The following MDFI variants were observed in gnomAD, a reference collection of about 807,000 sequenced individuals.
MDFI encodes the protein MyoD family inhibitor.
MDFI carries 16 observed loss-of-function variants against 22.3 expected under a neutral mutation model. The observed-to-expected ratio is 0.72, with a 90% CI of 0.49 to 1.09. The LOEUF is 1.09. Ranked by LOEUF, MDFI falls within the 50% of genes least tolerant of loss-of-function variation. The pLI is 0.00. For synonymous variants in MDFI, 145 were observed against 142.7 expected, an observed-to-expected ratio of 1.02 and a Z score of -0.12; for missense variants, 314 against 326.1, an observed-to-expected ratio of 0.96 and a Z score of 0.29.
intron 4 of MDFI, among the ~76,000 whole-genome samples, chr6:41,650,714 C>T (rs1768237491): frequency 1.3e-5 from 2 of 151,752 alleles, no homozygotes; most frequent in South Asian, 4.2e-4. Context: ...GCTGGAACTA[C>T]AGGCGCGTCC....
intron 2 of MDFI, among the ~76,000 whole-genome samples, chr6:41,640,748 A>G (rs537230614): frequency 1.1e-4 from 17 of 152,278 alleles, no homozygotes; most frequent in South Asian, 8.3e-4. Context: ...ACAGGGCACA[A>G]GGGGACTCAG....
chr6:41,640,773 G>C lies in MDFI; in HGVS notation c.76+1948G>C, dbSNP rs556665732. On this transcript the variant is annotated intron_variant, in intron 2 of 4. Transcript: ENST00000230321. ...AGGGGACTCAGGGCAGATCTGGTAG[G>C]GGCAGGTGGCCAAGCCCCCACACCC... Among the ~76,000 whole-genome samples, 339 of 152,260 alleles carry C rather than the reference G, an allele frequency of 2.2e-3. 2 individuals are homozygous for C. The highest frequency in any genetic ancestry group is 7.5e-3 in the African/African-American group (312 of 41,550).
In MDFI at chr6:41,647,960, T is replaced by C. The variant is rs1581838740; in HGVS notation, c.259+1652T>C. 3.6e-5 allele frequency among the ~76,000 whole-genome samples: 5 copies of C among 139,730 alleles called. No individual in the cohort carries two copies. The South Asian group carries it at 9.1e-4, about 25-fold the overall frequency. 91.7% of individuals were successfully genotyped at this position (139,730 alleles called of 152,430 possible). ...TCGGGAGGCTGAGGCAGGAGAATGG[T>C]GTGAACCCGGGAGGCGGATGTTGCA... On this transcript the variant is annotated intron_variant, in intron 3 of 4. Transcript: ENST00000230321.
Position 41,649,842 on chromosome 6 carries a change from A to G in MDFI, c.483A>G (p.Glu161=), listed in dbSNP as rs764038303. The change falls in exon 4 of 5, where the codon GAA becomes GAG. Residue 161 remains glutamate, a splice_region_variant and synonymous_variant. Transcript: ENST00000230321. The part of the protein sequence containing the change: ...TTSQIPLQAQ[E]DCCVHCILSC... The stretch of plus-strand genomic sequence containing the variant: ...CCCAGATCCCCCTCCAGGCACAGGA[A>G]GGTAAGCACCCATCCCATCTCTCCC... 6.2e-7 allele frequency: 1 copy of G among 1,612,740 alleles called. No homozygotes were observed. Among genetic ancestry groups the G allele is most frequent in the Admixed American group, 1.7e-5 (1 of 59,958 alleles).
At chr6:41,652,096 C>G (rs374337677) in intron 4 of MDFI, among the ~76,000 whole-genome samples, 49 of 152,246 alleles carry the variant, frequency 3.2e-4, no homozygotes, top group African/African-American at 1.2e-3. Flanking sequence ...CAGGTAGGGC[C>G]GGGCAGGGAG....
At chr6:41,638,174 C>T (rs937285888), upstream of MDFI, 3 of 153,842 alleles carry the variant, frequency 2.0e-5, no homozygotes, top group African/African-American at 7.2e-5. The surrounding 1 kb of genome is among the most constrained non-coding windows in gnomAD (Gnocchi z 7.6). Flanking sequence ...CAAAGGAAAA[C>T]GTGCAGCCCG....
At chr6:41,643,580 G>GGAAGGAAGGAAGGAAGGAAGGAA (rs1561829712) in intron 2 of MDFI, among the ~76,000 whole-genome samples, 1 of 43,016 alleles carries the variant, frequency 2.3e-5, no homozygotes. Flanking sequence ...GAAGGAAGGA[G>GGAAGGAAGGAAGGAAGGAAGGAA]GGAGGGAGGG....
intron 4 of MDFI, among the ~76,000 whole-genome samples, chr6:41,650,890 T>G (rs1339252955): frequency 6.6e-6 from 1 of 152,084 alleles, no homozygotes; most frequent in Non-Finnish European, 1.5e-5. Context: ...GTCTTATTTA[T>G]GAAGGAGCCA....
chr6:41,638,275 G>T (rs543326076), upstream of MDFI: 1 of 160,186 alleles, frequency 6.2e-6, no homozygotes, highest in Non-Finnish European at 1.4e-5. The surrounding 1 kb of genome is among the most constrained non-coding windows in gnomAD (Gnocchi z 7.6). Context: ...GGCTTCCTGT[G>T]GGGGCTCGGG....
intron 4 of MDFI, among the ~76,000 whole-genome samples, chr6:41,650,381 A>G (rs376947359): frequency 4.1e-4 from 62 of 152,294 alleles, no homozygotes; most frequent in African/African-American, 1.5e-3. Flanking sequence ...TCCCCTCCTC[A>G]TCAGCCATCA....
intron 2 of MDFI, among the ~76,000 whole-genome samples, chr6:41,642,242 G>C (rs1374412416): frequency 1.3e-5 from 2 of 152,100 alleles, no homozygotes; most frequent in African/African-American, 4.8e-5. Flanking sequence ...GCACCTACTA[G>C]GAGGGCAAGG....
At position 41,638,843 on chromosome 6, in the gene MDFI, G is replaced by T; in HGVS notation, c.76+18G>T. The T allele has an allele frequency of 6.5e-7, 1 of 1,543,052 alleles. No individual in the cohort carries two copies. The highest frequency in any genetic ancestry group is 1.2e-5 in the South Asian group (1 of 84,334). ...GGGCCCAGGTAGGACCGGGAGTGGC[G>T]AGCGAAGCTGGACAGGGGCGGGTGG... On this transcript the variant is annotated intron_variant, in intron 2 of 4. Coordinates refer to ENST00000230321, the MANE Select transcript of MDFI (RefSeq NM_005586.4). This position sits in a 1 kb window ranked among gnomAD's most constrained non-coding sequence, Gnocchi z 7.6.
At chr6:41,647,937 G>T (rs1046072377) in intron 3 of MDFI, among the ~76,000 whole-genome samples, 3 of 151,318 alleles carry the variant, frequency 2.0e-5, no homozygotes, top group Non-Finnish European at 4.4e-5. Context: ...CTAGCTACTC[G>T]GGAGGCTGAG....
intron 4 of MDFI, among the ~76,000 whole-genome samples, chr6:41,650,537 A>G (rs947929918): frequency 6.9e-6 from 1 of 145,712 alleles, no homozygotes; most frequent in South Asian, 2.2e-4. Flanking sequence ...AAACCTTCCC[A>G]CTCTGCAAAG....
intron 3 of MDFI, among the ~76,000 whole-genome samples, chr6:41,647,258 G>A (rs1768085285): frequency 6.6e-6 from 1 of 152,256 alleles, no homozygotes; most frequent in Non-Finnish European, 1.5e-5. Flanking sequence ...AGACACTCCT[G>A]TGTCTGTGAG....
intron 3 of MDFI, among the ~76,000 whole-genome samples, chr6:41,647,972 A>T (rs533728654): frequency 7.3e-4 from 94 of 128,750 alleles, no homozygotes; most frequent in African/African-American, 2.7e-3. Context: ...TGAACCCGGG[A>T]GGCGGATGTT....
intron 2 of MDFI, among the ~76,000 whole-genome samples, chr6:41,645,913 A>G (rs1355317534): frequency 6.6e-6 from 1 of 152,086 alleles, no homozygotes; most frequent in Non-Finnish European, 1.5e-5. Flanking sequence ...ACTCAAATGC[A>G]TGCACACCCT....
chr6:41,647,320 G>T (rs537706318), intron 3 of MDFI, among the ~76,000 whole-genome samples: 1 of 152,358 alleles, frequency 6.6e-6, no homozygotes, highest in East Asian at 1.9e-4. Flanking sequence ...CCACAGACAA[G>T]CTCTGTGTCT....
chr6:41,638,212 A>G (rs1767704220), upstream of MDFI: 1 of 157,976 alleles, frequency 6.3e-6, no homozygotes, highest in African/African-American at 2.4e-5. The surrounding 1 kb of genome is among the most constrained non-coding windows in gnomAD (Gnocchi z 7.6). Context: ...GAGAGCAGGG[A>G]GTCGGGGAGA....
Sources: gnomAD v4.1 joint callset for allele counts (sites outside exome capture counted in the v4.1 genomes callset) on GRCh38, gnomAD v4.1.1 for gene constraint, Gnocchi (gnomAD v3.1) non-coding constraint, MANE v1.5 for transcripts, NCBI Gene and HGNC (gene_info 2026-07-23, HGNC 2026-07-21) for gene names.